The following COL26A1 variants were observed in gnomAD, a reference collection of about 807,000 sequenced individuals.
COL26A1 encodes the protein collagen type XXVI alpha 1 chain, also known as collagen alpha-1(XXVI) chain.
In COL26A1, 41 loss-of-function variants were observed where a neutral mutation model predicts 59.3. The observed-to-expected ratio is 0.69, with a 90% CI of 0.54 to 0.90. COL26A1 has a LOEUF of 0.90. Among genes scored for constraint, COL26A1 ranks in the 40% least tolerant of loss-of-function variants. The pLI is 0.00. For synonymous variants in COL26A1, 266 were observed against 256.0 expected, an observed-to-expected ratio of 1.04 and a Z score of -0.37; for missense variants, 612 against 602.3, an observed-to-expected ratio of 1.02 and a Z score of -0.17.
intron 1 of COL26A1, among the ~76,000 whole-genome samples, chr7:101,392,998 G>A (rs928016625): frequency 1.9e-5 from 2 of 106,412 alleles, no homozygotes; most frequent in African/African-American, 6.4e-5. Flanking sequence ...ATAAAAAAAT[G>A]TTTTTTTGTT....
intron 4 of COL26A1, among the ~76,000 whole-genome samples, chr7:101,537,925 C>T (rs968246329): frequency 6.6e-6 from 1 of 152,016 alleles, no homozygotes; most frequent in Admixed American, 6.6e-5. Flanking sequence ...GATACTGCAA[C>T]CCACCCCCGC....
chr7:101,528,774 C>T (rs1375353538), intron 3 of COL26A1, among the ~76,000 whole-genome samples: 1 of 152,156 alleles, frequency 6.6e-6, no homozygotes, highest in East Asian at 1.9e-4. Flanking sequence ...ATCTCAAACT[C>T]CCGGGCTCAA....
chr7:101,432,872 T>A (rs1212201146), intron 2 of COL26A1, among the ~76,000 whole-genome samples: 1 of 152,062 alleles, frequency 6.6e-6, no homozygotes, highest in Non-Finnish European at 1.5e-5. Context: ...CTGGCTAATT[T>A]TGTATTTTTA....
chr7:101,541,795 G>A (rs905664194), intron 5 of COL26A1, among the ~76,000 whole-genome samples: 7 of 152,112 alleles, frequency 4.6e-5, no homozygotes, highest in African/African-American at 1.7e-4. Context: ...AAGCCCTCCT[G>A]GTTGCCAGAC....
At chr7:101,432,447 G>A (rs545867116) in intron 2 of COL26A1, among the ~76,000 whole-genome samples, 1 of 152,056 alleles carries the variant, frequency 6.6e-6, no homozygotes, top group Admixed American at 6.6e-5. Flanking sequence ...GAGCAATCAG[G>A]GACTACCCTA....
chr7:101,442,909 G>A (rs557134148), intron 2 of COL26A1, among the ~76,000 whole-genome samples: 15 of 151,600 alleles, frequency 9.9e-5, no homozygotes, highest in Non-Finnish European at 1.9e-4. Flanking sequence ...GTGTGCACAC[G>A]AGTGTGAGAG....
chr7:101,389,382 T>G (rs1342293493), intron 1 of COL26A1, among the ~76,000 whole-genome samples: 2 of 147,564 alleles, frequency 1.4e-5, no homozygotes, highest in Non-Finnish European at 3.0e-5. Flanking sequence ...TGCACATTTT[T>G]TTTTTTTTTT....
chr7:101,510,650 G>C lies in COL26A1; in HGVS notation c.386-22432G>C, dbSNP rs1002903088. ...AGCTTCCCATGTAGCTGGGACTACA[G>C]GTGAGCACCACCATGCCCAGCTAAT... On this transcript the variant is annotated intron_variant, in intron 3 of 12. Transcript: ENST00000313669. Among the ~76,000 whole-genome samples the C allele has an allele frequency of 2.6e-5, 4 of 152,320 alleles. No homozygotes were observed. In the East Asian group the frequency reaches 7.7e-4, roughly 29 times the overall value.
intron 2 of COL26A1, among the ~76,000 whole-genome samples, chr7:101,432,110 G>A (rs996642685): frequency 2.6e-4 from 40 of 151,822 alleles, no homozygotes; most frequent in Admixed American, 2.5e-3. Context: ...ACAGATGCCC[G>A]CCACCATGCC....
rs573978158 is a variant in COL26A1 at position 101,533,395 on chromosome 7, C to T, written c.447+252C>T. On this transcript the variant is annotated intron_variant, in intron 4 of 12. Coordinates refer to ENST00000313669, the MANE Select transcript of COL26A1 (RefSeq NM_001278563.3). ...CAGAATGGTGCTGAGCTCCCAGGAC[C>T]CGGGGGCTGGGAGGCTGGACACCCA... 3.9e-5 allele frequency among the ~76,000 whole-genome samples: 6 copies of T among 152,062 alleles called. No homozygotes were observed. In the East Asian group the frequency reaches 9.7e-4, roughly 25 times the overall value.
chr7:101,530,425 G>A (rs375537305), intron 3 of COL26A1, among the ~76,000 whole-genome samples: 22 of 151,842 alleles, frequency 1.4e-4, no homozygotes, highest in Admixed American at 4.6e-4. Flanking sequence ...ACAACTAGCC[G>A]GGCGTGGTGA....
chr7:101,552,704 C>T (rs550937972), intron 10 of COL26A1, among the ~76,000 whole-genome samples: 28 of 152,080 alleles, frequency 1.8e-4, no homozygotes, highest in East Asian at 5.8e-4. Context: ...GTCAGGAGTT[C>T]GAGATGAGCC....
chr7:101,551,918 C>A (rs986646358), intron 10 of COL26A1, among the ~76,000 whole-genome samples: 5 of 152,154 alleles, frequency 3.3e-5, no homozygotes, highest in African/African-American at 9.7e-5. Context: ...TCCCCCACAG[C>A]GCATGTAAGC....
intron 1 of COL26A1, among the ~76,000 whole-genome samples, chr7:101,405,843 C>T (rs1488790528): frequency 2.0e-5 from 3 of 152,214 alleles, no homozygotes; most frequent in South Asian, 2.1e-4. Context: ...TCAGTGGCCC[C>T]GCCAGCCCTT....
Position 101,474,431 on chromosome 7 carries a change from T to TA in COL26A1, c.385+26655dup, listed in dbSNP as rs5886194. Among the ~76,000 whole-genome samples, 435 of 148,922 alleles carry TA rather than the reference T, an allele frequency of 2.9e-3. 1 individual carries two copies. The highest frequency in any genetic ancestry group is 4.6e-3 in the Non-Finnish European group (308 of 67,016). On this transcript the variant is annotated intron_variant, in intron 3 of 12. Transcript: ENST00000313669. ...GGGCAATATAGCAAGACCCCATCTC[T>TA]AAAAAAAAAAATTAGCCAGGTATGG...
At chr7:101,452,112 G>T (rs999461446) in intron 3 of COL26A1, among the ~76,000 whole-genome samples, 2 of 152,176 alleles carry the variant, frequency 1.3e-5, no homozygotes, top group Non-Finnish European at 2.9e-5. Context: ...TTCTCCTGGG[G>T]TGTCATACGG....
chr7:101,497,096 G>A (rs1040636816), intron 3 of COL26A1, among the ~76,000 whole-genome samples: 1 of 151,492 alleles, frequency 6.6e-6, no homozygotes, highest in African/African-American at 2.4e-5. Flanking sequence ...AAATTAGCTG[G>A]GTGCAGTGGT....
At chr7:101,545,224 C>A in intron 6 of COL26A1, 114 bp from the exon 7 acceptor site, 1 of 921,404 alleles carries the variant, frequency 1.1e-6, no homozygotes, top group Non-Finnish European at 1.6e-6. Flanking sequence ...CACTGACTGC[C>A]TGTGGGCCCC....
chr7:101,545,477 TACAG>T lies in COL26A1; in HGVS notation c.847_850del (p.Asp283LysfsTer65). The T allele has an allele frequency of 6.2e-7, 1 of 1,606,400 alleles. No homozygotes were observed. The highest frequency in any genetic ancestry group is 8.5e-7 in the Non-Finnish European group (1 of 1,177,088). ...GCGCCCTCTACTCCCTGCAGCCGCC[TACAG>T]ACAAAGACAGTGAGTAATGCCCCTG... On this transcript the variant is annotated frameshift_variant, in exon 7 of 13. Transcript: ENST00000313669. LOFTEE classifies it high-confidence loss of function.
Sources: gnomAD v4.1 joint callset for allele counts (sites outside exome capture counted in the v4.1 genomes callset) on GRCh38, gnomAD v4.1.1 for gene constraint, MANE v1.5 for transcripts, NCBI Gene and HGNC (gene_info 2026-07-23, HGNC 2026-07-21) for gene names.